Variants in MLPH observed in about 807,000 individuals in gnomAD.
The protein encoded by MLPH is exophilin-3.
A neutral mutation model predicts 72.1 loss-of-function variants in MLPH; 51 were observed. The observed-to-expected ratio is 0.71, with a 90% CI of 0.56 to 0.89. The LOEUF (loss-of-function observed/expected upper bound fraction) is 0.89, where lower values mean the gene tolerates loss of function less well. Ranked by LOEUF, MLPH falls within the 40% of genes least tolerant of loss-of-function variation. The pLI is 0.00. For missense variants in MLPH, 743 were observed against 759.9 expected (o/e 0.98, Z 0.26); for synonymous variants, 301 against 310.1 (o/e 0.97, Z 0.31).
At chr2:237,514,049 G>A (rs2079962987) in intron 4 of MLPH, among the ~76,000 whole-genome samples, 1 of 152,122 alleles carries the variant, frequency 6.6e-6, no homozygotes, top group South Asian at 2.1e-4. Flanking sequence ...CCATTTTTAT[G>A]CTTAGGTTCA....
intron 8 of MLPH, among the ~76,000 whole-genome samples, chr2:237,529,143 A>G (rs767058059): frequency 1.8e-4 from 28 of 152,038 alleles, no homozygotes; most frequent in Non-Finnish European, 8.8e-5. Flanking sequence ...CCTGGGTTCA[A>G]GCGATTCTCC....
Position 237,520,170 on chromosome 2 carries a change from A to G in MLPH, c.675+141A>G. On this transcript the variant is annotated intron_variant, in intron 6 of 15. Coordinates refer to ENST00000264605, the MANE Select transcript of MLPH (RefSeq NM_024101.7). Reference sequence around the variant, plus strand: ...ACCTGGCTCCCAAGGCATGACAGGGAAGGGGACCGATGTGGGAAGACAGGA... The same window carrying G: ...ACCTGGCTCCCAAGGCATGACAGGGGAGGGGACCGATGTGGGAAGACAGGA... 2.7e-6 allele frequency: 3 copies of G among 1,112,546 alleles called. No individual in the cohort carries two copies. The Admixed American group carries it at 6.1e-5, about 23-fold the overall frequency. 68.9% of individuals were successfully genotyped at this position (1,112,546 alleles called of 1,614,324 possible).
chr2:237,539,275 C>T (rs1435687324), intron 9 of MLPH, among the ~76,000 whole-genome samples: 2 of 152,062 alleles, frequency 1.3e-5, no homozygotes, highest in African/African-American at 4.8e-5. Context: ...GTGGTCGAAC[C>T]GGAGAGCAGC....
chr2:237,526,839 G>A (rs10190935), intron 7 of MLPH, among the ~76,000 whole-genome samples: 24,670 of 152,130 alleles, frequency 0.16, 2,202 homozygotes, highest in African/African-American at 0.22. Context: ...TCTCAATAAT[G>A]CAACATCCAA....
At chr2:237,550,033 G>A (rs1330831488) in intron 14 of MLPH, among the ~76,000 whole-genome samples, 1 of 152,232 alleles carries the variant, frequency 6.6e-6, no homozygotes, top group Admixed American at 6.5e-5. Flanking sequence ...ACACACTGGA[G>A]CCAGCCTGCC....
At chr2:237,537,361 A>AC (rs1403285594) in intron 9 of MLPH, 1 of 151,994 alleles carries the variant, frequency 6.6e-6, no homozygotes, top group African/African-American at 2.4e-5. Flanking sequence ...ACCGGCTTCC[A>AC]CCCCCATACC....
chr2:237,517,294 CATGG>C (rs367628756), intron 4 of MLPH, among the ~76,000 whole-genome samples: 499 of 100,550 alleles, frequency 5.0e-3, no homozygotes, highest in African/African-American at 0.017. Flanking sequence ...TGCATGGATG[CATGG>C]ATGGATGGAT....
intron 6 of MLPH, among the ~76,000 whole-genome samples, chr2:237,521,478 T>C (rs1332283386): frequency 2.0e-5 from 3 of 152,160 alleles, no homozygotes; most frequent in Non-Finnish European, 4.4e-5. Context: ...CTATAAATAA[T>C]ATAGCTTTAA....
intron 13 of MLPH, among the ~76,000 whole-genome samples, chr2:237,548,019 G>A (rs969992167): frequency 4.6e-5 from 7 of 152,192 alleles, no homozygotes; most frequent in Admixed American, 1.3e-4. Context: ...ACAGTGACAC[G>A]CGATGTTTTC....
At chr2:237,517,337 A>T (rs1412291141) in intron 4 of MLPH, among the ~76,000 whole-genome samples, 2 of 149,358 alleles carry the variant, frequency 1.3e-5, no homozygotes, top group African/African-American at 2.5e-5. Flanking sequence ...ATGGATAAGT[A>T]GGTGGATGGG....
intron 6 of MLPH, 37 bp from the exon 7 acceptor site, chr2:237,525,564 A>G: frequency 1.2e-6 from 2 of 1,608,102 alleles, no homozygotes; most frequent in East Asian, 4.5e-5. Context: ...CCTCCTAGTA[A>G]ACCCTGCAGA....
intron 2 of MLPH, among the ~76,000 whole-genome samples, chr2:237,504,608 C>T (rs1445276285): frequency 6.6e-6 from 1 of 152,208 alleles, no homozygotes; most frequent in South Asian, 2.1e-4. Context: ...CAGCCCTCAG[C>T]CTTGCAGAAG....
chr2:237,510,117 A>G lies in MLPH; in HGVS notation c.111-457A>G. The stretch of plus-strand genomic sequence containing the variant: ...TCCTGCTCTGGAAACTCACCGAGCC[A>G]TTTCAGCTGCGCTCTAGAGGAGCAA... On this transcript the variant is annotated intron_variant, in intron 2 of 15. Transcript: ENST00000264605. This position sits in a 1 kb window ranked among gnomAD's most constrained non-coding sequence, Gnocchi z 4.4. The G allele has an allele frequency of 4.1e-6, 1 of 246,722 alleles. No individual in the cohort carries two copies. The highest frequency in any genetic ancestry group is 5.1e-5 in the Admixed American group (1 of 19,578). 15.3% of individuals were successfully genotyped at this position (246,722 alleles called of 1,614,324 possible). A position where few individuals can be genotyped will look rare whatever the true frequency, so the allele number is the denominator to read the frequency against.
At chr2:237,528,482 C>T (rs1473174138) in intron 8 of MLPH, among the ~76,000 whole-genome samples, 3 of 151,910 alleles carry the variant, frequency 2.0e-5, no homozygotes, top group Admixed American at 6.6e-5. Flanking sequence ...TCCTGAGTAG[C>T]TGGGAATACA....
chr2:237,503,304 T>G (rs750394635), intron 2 of MLPH, among the ~76,000 whole-genome samples: 11 of 152,058 alleles, frequency 7.2e-5, no homozygotes, highest in Non-Finnish European at 1.6e-4. Flanking sequence ...CTGAGATGTT[T>G]TAGGAGATAC....
intron 14 of MLPH, among the ~76,000 whole-genome samples, chr2:237,550,188 C>A (rs546647120): frequency 4.2e-4 from 64 of 152,298 alleles, no homozygotes; most frequent in African/African-American, 1.5e-3. Flanking sequence ...CTGTGAAGTC[C>A]TCCAGGGCCA....
chr2:237,552,407 G>C lies in MLPH; in HGVS notation c.1746G>C (p.Ala582=). Residue 582 remains alanine, a synonymous_variant, in exon 15 of 16, where the codon GCG becomes GCC. Coordinates refer to ENST00000264605, the MANE Select transcript of MLPH (RefSeq NM_024101.7). ...CGCTGACACAGAGAAACCCCAACGCGAGGAAAGGAATGGCCAGCCACACCT... is the reference window on the plus strand; with the variant it reads ...CGCTGACACAGAGAAACCCCAACGCCAGGAAAGGAATGGCCAGCCACACCT... The part of the protein sequence containing the change: ...RGSLTQRNPN[A]RKGMASHTFA... 5 of 1,614,018 alleles carry C rather than the reference G, an allele frequency of 3.1e-6. No homozygotes were observed. The highest frequency in any genetic ancestry group is 4.2e-6 in the Non-Finnish European group (5 of 1,179,982).
Position 237,540,377 on chromosome 2 carries a change from C to A in MLPH, c.1134C>A (p.Ala378=). Residue 378 remains alanine, a synonymous_variant, in exon 10 of 16, where the codon GCC becomes GCA. Transcript: ENST00000264605. ...TAGGTGCTGGAGTGCGCACGGAGGC[C>A]GATGTAGAGGAGGAGGCCCTGAGGA... ...KGLGAGVRTE[A]DVEEEALRRK... The A allele has an allele frequency of 6.2e-7, 1 of 1,613,686 alleles. No homozygotes were observed.
chr2:237,503,314 C>T (rs1373520072), intron 2 of MLPH, among the ~76,000 whole-genome samples: 1 of 152,138 alleles, frequency 6.6e-6, no homozygotes, highest in African/African-American at 2.4e-5. Context: ...TTAGGAGATA[C>T]TCTGAGGCTC....
Sources: allele counts gnomAD v4.1 joint callset (sites outside exome capture counted in the v4.1 genomes callset), GRCh38; gene constraint gnomAD v4.1.1; non-coding constraint Gnocchi (gnomAD v3.1); transcripts MANE v1.5; gene names NCBI Gene and HGNC (gene_info 2026-07-23, HGNC 2026-07-21).